The following DPP6 variants were observed in gnomAD, a reference collection of about 807,000 sequenced individuals.
DPP6 encodes the protein A-type potassium channel modulatory protein DPP6.
Under a neutral mutation model 122.6 loss-of-function variants are expected in DPP6, and 69 were observed. That is an observed-to-expected ratio of 0.56 (90% CI 0.46 to 0.69). DPP6 has a LOEUF of 0.69. DPP6 is among the 30% of genes least tolerant of loss of function. The probability of loss-of-function intolerance (pLI) is 0.00; values close to 1 mark genes in which losing one functional copy is unlikely to be tolerated. For synonymous variants in DPP6, 418 were observed against 433.1 expected (o/e 0.97, Z 0.43); for missense variants, 928 against 1,116.9 (o/e 0.83, Z 2.41).
In DPP6 at chr7:154,760,178, C is replaced by G. The variant is rs1349669765; in HGVS notation, c.884-9239C>G. Among the ~76,000 whole-genome samples, 2 of 152,136 alleles carry G rather than the reference C, an allele frequency of 1.3e-5. No homozygotes were observed. Among genetic ancestry groups the G allele is most frequent in the African/African-American group, 4.8e-5 (2 of 41,412 alleles). ...CAGGCATCCAGCTCAACTCTGCCTC[C>G]CTGTGCTGGCTTCAAGGCAGTAATT... On this transcript the variant is annotated intron_variant, in intron 8 of 25. Transcript: ENST00000377770. This position sits in a 1 kb window ranked among gnomAD's most constrained non-coding sequence, Gnocchi z 4.5.
chr7:153,883,452 G>A (rs1161885815), upstream of DPP6, among the ~76,000 whole-genome samples: 1 of 151,578 alleles, frequency 6.6e-6, no homozygotes, highest in Non-Finnish European at 1.5e-5. Context: ...GCACAATCTC[G>A]GCTCACCACA....
At chr7:154,061,669 C>T (rs1216933271) in intron 1 of DPP6, among the ~76,000 whole-genome samples, 2 of 139,806 alleles carry the variant, frequency 1.4e-5, no homozygotes, top group African/African-American at 2.7e-5. Context: ...ACCCCTCTTC[C>T]CCCCCTGGCT....
At position 154,535,691 on chromosome 7, in the gene DPP6, A is replaced by G. The variant is rs193150622; in HGVS notation, c.458-4841A>G. Among the ~76,000 whole-genome samples the G allele has an allele frequency of 7.5e-3, 1,137 of 152,250 alleles. 9 individuals are homozygous for G. Among genetic ancestry groups the G allele is most frequent in the Middle Eastern group, 0.031 (9 of 294 alleles). ...AGGACTCAGTAATAAATTGTAAAAA[A>G]AAAAAAATTAAAAGTGGACAAAATT... is the stretch of plus-strand genomic sequence containing the variant. On this transcript the variant is annotated intron_variant, in intron 3 of 25. Coordinates refer to ENST00000377770, the MANE Select transcript of DPP6 (RefSeq NM_130797.4).
chr7:154,102,219 C>G (rs1253282528), intron 1 of DPP6, among the ~76,000 whole-genome samples: 3 of 151,976 alleles, frequency 2.0e-5, no homozygotes, highest in African/African-American at 7.2e-5. Context: ...GAGTTCCACT[C>G]TTGTTGCCCA....
intron 1 of DPP6, among the ~76,000 whole-genome samples, chr7:153,941,201 A>G (rs1339637273): frequency 6.6e-6 from 1 of 152,212 alleles, no homozygotes; most frequent in African/African-American, 2.4e-5. Flanking sequence ...CACAAAAATG[A>G]GCCCTTGATG....
intron 1 of DPP6, among the ~76,000 whole-genome samples, chr7:154,327,358 C>T (rs1808535096): frequency 6.6e-6 from 1 of 152,052 alleles, no homozygotes; most frequent in Non-Finnish European, 1.5e-5. Context: ...AGTAACATTC[C>T]CTTTTATTCT....
chr7:154,733,000 C>G (rs1842410465), intron 8 of DPP6, among the ~76,000 whole-genome samples: 1 of 152,172 alleles, frequency 6.6e-6, no homozygotes, highest in African/African-American at 2.4e-5. Context: ...TCCATGGCAC[C>G]CTCCCCATTT....
intron 5 of DPP6, among the ~76,000 whole-genome samples, chr7:154,593,836 A>G (rs1832942300): frequency 6.6e-6 from 1 of 152,212 alleles, no homozygotes; most frequent in Non-Finnish European, 1.5e-5. Context: ...CTCACAAATG[A>G]TCAAGCTAGT....
chr7:154,274,299 T>C (rs1177548766), intron 1 of DPP6, among the ~76,000 whole-genome samples: 1 of 152,240 alleles, frequency 6.6e-6, no homozygotes, highest in African/African-American at 2.4e-5. Flanking sequence ...ATTGGGATTC[T>C]ATAGTTCCTC....
chr7:153,773,330 A>ATTT, the DPP6 span, among the ~76,000 whole-genome samples: 311 of 139,952 alleles, frequency 2.2e-3, 3 homozygotes, highest in Non-Finnish European at 3.5e-3. Context: ...ATATATATAT[A>ATTT]TTTTTTTTTA....
At chr7:154,509,596 A>G (rs1350682331) in intron 3 of DPP6, among the ~76,000 whole-genome samples, 1 of 152,222 alleles carries the variant, frequency 6.6e-6, no homozygotes, top group Non-Finnish European at 1.5e-5. Context: ...ACATAGAGTT[A>G]TCCTTTGACC....
chr7:154,099,198 A>G (rs1007978427), intron 1 of DPP6, among the ~76,000 whole-genome samples: 3 of 152,218 alleles, frequency 2.0e-5, no homozygotes, highest in African/African-American at 7.2e-5. Context: ...TTTATGTGGA[A>G]TTGCAATAAT....
chr7:154,733,646 G>T (rs1342222702), intron 8 of DPP6, among the ~76,000 whole-genome samples: 1 of 152,192 alleles, frequency 6.6e-6, no homozygotes, highest in Non-Finnish European at 1.5e-5. Context: ...GAGGTGGAGA[G>T]TGTGTAGGAG....
intron 13 of DPP6, among the ~76,000 whole-genome samples, chr7:154,802,507 G>T (rs1798434478): frequency 6.6e-6 from 1 of 152,174 alleles, no homozygotes; most frequent in Non-Finnish European, 1.5e-5. Context: ...TTTTCCTGCG[G>T]TCTTCATTCT....
At chr7:154,136,029 TTGGGGTTCTTGCACA>T (rs1192582657) in intron 1 of DPP6, among the ~76,000 whole-genome samples, 1 of 152,246 alleles carries the variant, frequency 6.6e-6, no homozygotes, top group Non-Finnish European at 1.5e-5. Context: ...ACTCTTGCTC[TTGGGGTTCTTGCACA>T]TGATTCTTTA....
chr7:154,678,271 T>A (rs1265208517), intron 7 of DPP6, among the ~76,000 whole-genome samples: 1 of 152,196 alleles, frequency 6.6e-6, no homozygotes, highest in South Asian at 2.1e-4. Flanking sequence ...CCCTTCCACG[T>A]GGAAGCTGTG....
At chr7:154,041,435 T>A (rs1040495036) in intron 1 of DPP6, among the ~76,000 whole-genome samples, 45 of 152,332 alleles carry the variant, frequency 3.0e-4, no homozygotes, top group African/African-American at 9.6e-4. Flanking sequence ...CTGTAACAAC[T>A]GATTGGCCCT....
chr7:154,247,631 A>G (rs769964540), intron 1 of DPP6, among the ~76,000 whole-genome samples: 24 of 152,094 alleles, frequency 1.6e-4, no homozygotes, highest in Non-Finnish European at 2.6e-4. Flanking sequence ...AACAACACAA[A>G]CGCTCATACA....
intron 1 of DPP6, among the ~76,000 whole-genome samples, chr7:154,256,998 C>CTTTTTTTTT (rs66710949): frequency 4.5e-5 from 6 of 132,856 alleles, no homozygotes; most frequent in African/African-American, 8.5e-5. Flanking sequence ...TCTTCTTCTT[C>CTTTTTTTTT]TTTTTTTTTT....
Sources: gnomAD v4.1 joint callset for allele counts (sites outside exome capture counted in the v4.1 genomes callset) on GRCh38, gnomAD v4.1.1 for gene constraint, Gnocchi (gnomAD v3.1) non-coding constraint, MANE v1.5 for transcripts, NCBI Gene and HGNC (gene_info 2026-07-23, HGNC 2026-07-21) for gene names.